CEP70: variants seen among roughly 807,000 people sequenced by gnomAD.
CEP70 encodes the protein centrosomal protein 70.
A neutral mutation model predicts 90.9 loss-of-function variants in CEP70; 70 were observed. The observed-to-expected ratio is 0.77, with a 90% confidence interval of 0.64 to 0.94. The LOEUF (loss-of-function observed/expected upper bound fraction) is 0.94. Ranked by LOEUF, CEP70 falls within the 40% of genes least tolerant of loss-of-function variation. CEP70 has a pLI of 0.00. For missense variants in CEP70, 648 were observed against 669.0 expected (o/e 0.97, Z 0.35); for synonymous variants, 220 against 228.3 (o/e 0.96, Z 0.33).
At chr3:138,537,130 A>C (rs778009268) in intron 7 of CEP70, 48 bp downstream of exon 7, 2 of 1,352,858 alleles carry the variant, frequency 1.5e-6, no homozygotes, top group Admixed American at 2.7e-5. Flanking sequence ...CAAACAAACA[A>C]ACACAACAAT....
At chr3:138,550,992 T>C (rs1346263987) in intron 6 of CEP70, among the ~76,000 whole-genome samples, 1 of 152,202 alleles carries the variant, frequency 6.6e-6, no homozygotes, top group Non-Finnish European at 1.5e-5. Context: ...GCTAAAGACC[T>C]AGACATTCAA....
intron 2 of CEP70, among the ~76,000 whole-genome samples, chr3:138,576,178 C>A (rs1387342882): frequency 6.6e-6 from 1 of 152,124 alleles, no homozygotes; most frequent in African/African-American, 2.4e-5. Context: ...AGAGTCAAGA[C>A]CCATCAGTGT....
intron 8 of CEP70, among the ~76,000 whole-genome samples, chr3:138,532,017 C>T (rs1368815428): frequency 6.6e-6 from 1 of 152,178 alleles, no homozygotes; most frequent in Non-Finnish European, 1.5e-5. Flanking sequence ...AGATATCCTT[C>T]AGCTATTTTA....
At chr3:138,495,967 G>A in intron 17 of CEP70, 1 of 985,274 alleles carries the variant, frequency 1.0e-6, no homozygotes, top group South Asian at 4.7e-5. Context: ...AACCAATCCA[G>A]GCTCTTTTTT....
At chr3:138,537,001 C>CAAA (rs57447148) in intron 7 of CEP70, 177 bp downstream of exon 7, 9,482 of 249,268 alleles carry the variant, frequency 0.038, 174 homozygotes, top group South Asian at 0.067. Context: ...ACCTCTAGAA[C>CAAA]AAAAAAAAAA....
At chr3:138,499,472 T>C (rs1402898798) in intron 16 of CEP70, among the ~76,000 whole-genome samples, 1 of 152,238 alleles carries the variant, frequency 6.6e-6, no homozygotes, top group Non-Finnish European at 1.5e-5. Flanking sequence ...ATGATGTTGC[T>C]AACAAGGTTT....
Position 138,503,162 on chromosome 3 carries a change from A to G in CEP70, c.1221+2133T>C, listed in dbSNP as rs930245364. Among the ~76,000 whole-genome samples, 3 of 152,168 alleles carry G rather than the reference A, an allele frequency of 2.0e-5. 1 individual carries two copies. The highest frequency in any genetic ancestry group is 3.2e-3 in the Middle Eastern group (1 of 316). On this transcript the variant is annotated intron_variant, in intron 13 of 17. Transcript: ENST00000264982. ...TTTCATCTTGTAACACTGAAACTTT[A>G]TACCCATTAAACAATAACTTCCCAT...
chr3:138,565,046 A>G (rs1485817113), intron 6 of CEP70, among the ~76,000 whole-genome samples: 1 of 152,196 alleles, frequency 6.6e-6, no homozygotes, highest in African/African-American at 2.4e-5. Flanking sequence ...ATTCCTATAC[A>G]CCAATAATAG....
intron 3 of CEP70, among the ~76,000 whole-genome samples, chr3:138,572,543 T>A (rs1236140593): frequency 6.6e-6 from 1 of 152,238 alleles, no homozygotes; most frequent in African/African-American, 2.4e-5. Context: ...TCTTACATTT[T>A]AAGATAAAGT....
chr3:138,527,566 C>T (rs568228475), intron 10 of CEP70, among the ~76,000 whole-genome samples: 50 of 151,548 alleles, frequency 3.3e-4, no homozygotes, highest in African/African-American at 1.2e-3. Context: ...TGGTGATGGG[C>T]GCCTGTAGTC....
chr3:138,580,699 C>A (rs1163184747), intron 2 of CEP70, among the ~76,000 whole-genome samples: 1 of 152,064 alleles, frequency 6.6e-6, no homozygotes, highest in African/African-American at 2.4e-5. Context: ...CAATCCCAGA[C>A]AGACAGAGAT....
chr3:138,556,773 T>C (rs1344175137), intron 6 of CEP70, among the ~76,000 whole-genome samples: 2 of 151,846 alleles, frequency 1.3e-5, no homozygotes, highest in African/African-American at 4.8e-5. Flanking sequence ...AGTGTACAAA[T>C]AGGGTGTGGG....
intron 6 of CEP70, among the ~76,000 whole-genome samples, chr3:138,562,658 G>A (rs1471337746): frequency 6.6e-6 from 1 of 152,166 alleles, no homozygotes; most frequent in East Asian, 1.9e-4. Flanking sequence ...CAAATGCTGA[G>A]CAATTTTGTC....
intron 3 of CEP70, among the ~76,000 whole-genome samples, chr3:138,572,419 GCT>G (rs1034107944): frequency 6.6e-6 from 1 of 152,146 alleles, no homozygotes; most frequent in East Asian, 1.9e-4. Flanking sequence ...GGAGCCAAAA[GCT>G]CTGAGTTAGT....
intron 3 of CEP70, 76 bp from the exon 4 acceptor site, chr3:138,571,432 C>A (rs2041169540): frequency 1.0e-6 from 1 of 1,004,744 alleles, no homozygotes; most frequent in Non-Finnish European, 1.5e-6. Flanking sequence ...TAATTTCCTG[C>A]ATTTTCAGAA....
At chr3:138,497,728 A>C (rs1186643239) in intron 17 of CEP70, 1 of 985,296 alleles carries the variant, frequency 1.0e-6, no homozygotes, top group Non-Finnish European at 1.2e-6. Context: ...ATAAATCCTA[A>C]GAATATTTCT....
Position 138,494,992 on chromosome 3 carries a change from A to G in CEP70, c.*23T>C, listed in dbSNP as rs113323871. 1.8e-5 allele frequency: 22 copies of G among 1,229,880 alleles called. No individual in the cohort carries two copies. The East Asian group carries it at 5.1e-4, about 28-fold the overall frequency. The allele number at this position is 1,229,880 out of a possible 1,614,324, so 76.2% of individuals were successfully genotyped here. ...AAAATGTTAAGAATACAATTTACAC[A>G]GTAAAAATGATTTGATTTGTTTTCA... On this transcript the variant is annotated 3_prime_UTR_variant, in exon 18 of 18. Coordinates refer to ENST00000264982, the MANE Select transcript of CEP70 (RefSeq NM_024491.4).
At chr3:138,514,347 TA>T (rs2035806823) in intron 11 of CEP70, among the ~76,000 whole-genome samples, 1 of 152,236 alleles carries the variant, frequency 6.6e-6, no homozygotes, top group Non-Finnish European at 1.5e-5. Flanking sequence ...TGCCTTGCTA[TA>T]CAAAAGGGTG....
chr3:138,500,447 C>T lies in CEP70; in HGVS notation c.1489G>A (p.Gly497Arg), dbSNP rs141208365. The change falls in exon 15 of 18, where the codon GGA becomes AGA. Residue 497 changes from glycine to arginine, a missense_variant. Coordinates refer to ENST00000264982, the MANE Select transcript of CEP70 (RefSeq NM_024491.4). ...PRMNEVYTRL[G>R]EMNNAVRNLQ... ...TTTCTCACAGCATTGTTCATTTCTCCAAGCCTAGTATAAACTTCATTCATT... is the reference window on the plus strand; with the variant it reads ...TTTCTCACAGCATTGTTCATTTCTCTAAGCCTAGTATAAACTTCATTCATT... 64 of 1,608,232 alleles carry T rather than the reference C, an allele frequency of 4.0e-5. No individual in the cohort carries two copies. The African/African-American group carries it at 7.9e-4, about 20-fold the overall frequency.
Sources: gnomAD v4.1 joint callset for allele counts (sites outside exome capture counted in the v4.1 genomes callset) on GRCh38, gnomAD v4.1.1 for gene constraint, MANE v1.5 for transcripts, NCBI Gene and HGNC (gene_info 2026-07-23, HGNC 2026-07-21) for gene names.